PCDH17: variants seen among roughly 807,000 people sequenced by gnomAD.
PCDH17 encodes the protein protocadherin 17.
In PCDH17, 21 loss-of-function variants were observed where a neutral mutation model predicts 67.7. The ratio of observed to expected loss-of-function variants is 0.31; its 90% CI spans 0.22 to 0.45. PCDH17 has a LOEUF of 0.45. Ranked by LOEUF, PCDH17 falls within the 20% of genes least tolerant of loss-of-function variation. PCDH17 has a pLI of 1.00. For missense variants in PCDH17, 1,471 were observed against 1,564.8 expected (o/e 0.94, Z 1.01); for synonymous variants, 701 against 656.7 (o/e 1.07, Z -1.03).
At chr13:57,663,956 G>C (rs1390212835) in intron 1 of PCDH17, among the ~76,000 whole-genome samples, 2 of 152,040 alleles carry the variant, frequency 1.3e-5, no homozygotes, top group Non-Finnish European at 2.9e-5. Context: ...CCAGGCTGGA[G>C]TGCAGTGGTG....
intron 3 of PCDH17, among the ~76,000 whole-genome samples, chr13:57,690,523 T>G (rs565303798): frequency 6.6e-6 from 1 of 151,656 alleles, no homozygotes; most frequent in East Asian, 1.9e-4. Context: ...GATAGAACAG[T>G]TTAGAAAACC....
intron 1 of PCDH17, among the ~76,000 whole-genome samples, chr13:57,642,022 GA>G (rs1954912340): frequency 6.6e-6 from 1 of 151,392 alleles, no homozygotes; most frequent in Non-Finnish European, 1.5e-5. Flanking sequence ...CAGTTATCTT[GA>G]AATGTTTAAC....
chr13:57,704,564 C>T, intron 3 of PCDH17, among the ~76,000 whole-genome samples: 1 of 122,324 alleles, frequency 8.2e-6, no homozygotes, highest in East Asian at 2.3e-4. Flanking sequence ...AATCTCTATC[C>T]AAAAAAAAAA....
At chr13:57,709,978 G>A (rs996709280) in intron 3 of PCDH17, among the ~76,000 whole-genome samples, 1 of 151,846 alleles carries the variant, frequency 6.6e-6, no homozygotes, top group Non-Finnish European at 1.5e-5. Flanking sequence ...CAAGAATCTA[G>A]TCTTACACCA....
At chr13:57,723,278 G>C (rs1955886520) in intron 3 of PCDH17, among the ~76,000 whole-genome samples, 1 of 151,692 alleles carries the variant, frequency 6.6e-6, no homozygotes, top group African/African-American at 2.4e-5. Flanking sequence ...AAAAATTTCA[G>C]CCTCTTAAGA....
chr13:57,676,058 A>T (rs1435080538), intron 3 of PCDH17, among the ~76,000 whole-genome samples: 3 of 151,976 alleles, frequency 2.0e-5, no homozygotes, highest in Admixed American at 2.0e-4. Flanking sequence ...GAAAAAAATG[A>T]CTTAATGTCT....
chr13:57,696,953 G>A (rs867109510), intron 3 of PCDH17, among the ~76,000 whole-genome samples: 9 of 151,566 alleles, frequency 5.9e-5, no homozygotes, highest in African/African-American at 2.2e-4. Flanking sequence ...ACTGATAATT[G>A]CCCATTTGGT....
At chr13:57,714,072 A>C (rs1254388213) in intron 3 of PCDH17, among the ~76,000 whole-genome samples, 1 of 151,652 alleles carries the variant, frequency 6.6e-6, no homozygotes, top group Non-Finnish European at 1.5e-5. Flanking sequence ...AAATATTAAA[A>C]TATTAAAAAC....
chr13:57,666,619 A>G, intron 2 of PCDH17, 42 bp from the exon 3 acceptor site: 2 of 1,607,144 alleles, frequency 1.2e-6, no homozygotes, highest in Middle Eastern at 1.7e-4. Flanking sequence ...TCAAACTAGT[A>G]GAGACAACAC....
chr13:57,696,318 T>C (rs1248377149), intron 3 of PCDH17, among the ~76,000 whole-genome samples: 1 of 151,414 alleles, frequency 6.6e-6, no homozygotes, highest in African/African-American at 2.4e-5. Flanking sequence ...TAAATCTTTA[T>C]TTTTAGACAG....
intron 3 of PCDH17, among the ~76,000 whole-genome samples, chr13:57,689,102 A>G (rs933507564): frequency 3.3e-5 from 5 of 152,078 alleles, no homozygotes; most frequent in African/African-American, 1.2e-4. Context: ...GATGATAAAG[A>G]TGATGATAAT....
At chr13:57,708,135 T>A (rs1472763649) in intron 3 of PCDH17, among the ~76,000 whole-genome samples, 3 of 152,064 alleles carry the variant, frequency 2.0e-5, no homozygotes. Context: ...ATATATGACA[T>A]ATTTTGAATG....
intron 3 of PCDH17, among the ~76,000 whole-genome samples, chr13:57,667,118 G>A (rs1158658918): frequency 6.6e-6 from 1 of 151,826 alleles, no homozygotes; most frequent in Non-Finnish European, 1.5e-5. Context: ...TTCCTATTTG[G>A]GGTTATACTA....
intron 1 of PCDH17, among the ~76,000 whole-genome samples, chr13:57,657,000 C>T (rs181328538): frequency 3.3e-5 from 5 of 152,224 alleles, no homozygotes; most frequent in Admixed American, 3.3e-4. Flanking sequence ...AAATAGCGCT[C>T]ATCTTAATTT....
chr13:57,697,923 G>A (rs999821772), intron 3 of PCDH17, among the ~76,000 whole-genome samples: 1 of 151,002 alleles, frequency 6.6e-6, no homozygotes, highest in African/African-American at 2.4e-5. Flanking sequence ...TTCTACTTTG[G>A]GTTTCTATCA....
At chr13:57,709,594 G>C (rs892830526) in intron 3 of PCDH17, 1 of 151,942 alleles carries the variant, frequency 6.6e-6, no homozygotes, top group Non-Finnish European at 1.5e-5. Flanking sequence ...AATAGAGAAG[G>C]ATTCATAATT....
chr13:57,683,749 T>C (rs937620071), intron 3 of PCDH17, among the ~76,000 whole-genome samples: 1 of 151,910 alleles, frequency 6.6e-6, no homozygotes, highest in African/African-American at 2.4e-5. Flanking sequence ...AGAAGACACA[T>C]TTCTAATTAA....
chr13:57,648,906 A>G (rs1351518153), intron 1 of PCDH17, among the ~76,000 whole-genome samples: 2 of 152,026 alleles, frequency 1.3e-5, no homozygotes, highest in East Asian at 3.8e-4. Context: ...TCTTTCTAGG[A>G]TATTTTTATG....
At chr13:57,654,153 A>G (rs948808759) in intron 1 of PCDH17, among the ~76,000 whole-genome samples, 4 of 152,132 alleles carry the variant, frequency 2.6e-5, no homozygotes, top group Admixed American at 6.5e-5. Flanking sequence ...CTAGACCTAG[A>G]TTTTCTAAGT....
Sources: allele counts gnomAD v4.1 joint callset (sites outside exome capture counted in the v4.1 genomes callset), GRCh38; gene constraint gnomAD v4.1.1; transcripts MANE v1.5; gene names NCBI Gene and HGNC (gene_info 2026-07-23, HGNC 2026-07-21).